BICRAL: variants seen among roughly 807,000 people sequenced by gnomAD.
BICRAL encodes the protein BRD4-interacting chromatin-remodeling complex-associated protein-like.
In BICRAL, 8 loss-of-function variants were observed where a neutral mutation model predicts 91.8. That is an observed-to-expected ratio of 0.09 (90% CI 0.05 to 0.16). The LOEUF is 0.16. Among genes scored for constraint, BICRAL ranks in the 10% least tolerant of loss-of-function variants. The pLI is 1.00. For synonymous variants in BICRAL, 445 were observed against 491.1 expected, an observed-to-expected ratio of 0.91 and a Z score of 1.24; for missense variants, 1,038 against 1,310.9, an observed-to-expected ratio of 0.79 and a Z score of 3.21.
At chr6:42,856,438 G>A (rs558940783) in intron 9 of BICRAL, among the ~76,000 whole-genome samples, 38 of 123,612 alleles carry the variant, frequency 3.1e-4, no homozygotes, top group Non-Finnish European at 5.2e-4. Context: ...GCAGTGGGAC[G>A]ATCTCGGCTC....
intron 1 of BICRAL, among the ~76,000 whole-genome samples, chr6:42,796,636 A>C (rs1763418513): frequency 1.3e-5 from 2 of 152,150 alleles, no homozygotes; most frequent in African/African-American, 4.8e-5. Context: ...AGCCAGTGGG[A>C]GATGATGATG....
At chr6:42,771,742 C>G (rs2113845454) in intron 1 of BICRAL, among the ~76,000 whole-genome samples, 1 of 152,096 alleles carries the variant, frequency 6.6e-6, no homozygotes, top group Middle Eastern at 3.4e-3. Flanking sequence ...TTGCTGTTAA[C>G]TGAAGGGTTG....
intron 1 of BICRAL, among the ~76,000 whole-genome samples, chr6:42,763,498 G>A (rs527670534): frequency 6.6e-6 from 1 of 152,286 alleles, no homozygotes; most frequent in South Asian, 2.1e-4. Context: ...TGTTTGCTAT[G>A]ATGTGCCGCT....
chr6:42,857,614 A>ATATATATATAT (rs1554283187), intron 10 of BICRAL, among the ~76,000 whole-genome samples: 43 of 96,200 alleles, frequency 4.5e-4, no homozygotes, highest in African/African-American at 2.6e-3. Context: ...AAAAAAAAAA[A>ATATATATATAT]ATATATATAT....
At chr6:42,764,243 GA>G (rs528842794) in intron 1 of BICRAL, among the ~76,000 whole-genome samples, 66 of 125,598 alleles carry the variant, frequency 5.3e-4, no homozygotes, top group East Asian at 1.0e-3. Flanking sequence ...CTTTGTTTCC[GA>G]AAAAAAAAAA....
chr6:42,778,299 C>A (rs1762830389), upstream of BICRAL, among the ~76,000 whole-genome samples: 1 of 152,208 alleles, frequency 6.6e-6, no homozygotes. Flanking sequence ...CCTTTTCAGG[C>A]CTGACAGAGC....
upstream of BICRAL, among the ~76,000 whole-genome samples, chr6:42,779,128 G>A (rs1159442552): frequency 7.3e-5 from 11 of 151,638 alleles, no homozygotes; most frequent in Non-Finnish European, 1.6e-4. Context: ...GAGGCTAGAG[G>A]ATTCCTGGGG....
intron 1 of BICRAL, among the ~76,000 whole-genome samples, chr6:42,775,125 G>A (rs889401115): frequency 1.3e-5 from 2 of 152,098 alleles, no homozygotes; most frequent in African/African-American, 2.4e-5. Context: ...TAGAGACAGG[G>A]TTTCACCATG....
At chr6:42,768,005 G>A (rs995429151) in intron 1 of BICRAL, among the ~76,000 whole-genome samples, 2 of 152,122 alleles carry the variant, frequency 1.3e-5, no homozygotes, top group Non-Finnish European at 2.9e-5. Context: ...GGGTGCTTGG[G>A]GACCTGTCAG....
rs67384767 is a variant in BICRAL, at chr6:42,794,411, C to CTGTGTG, written c.-102+12348_-102+12353dup. 3.2e-3 allele frequency among the ~76,000 whole-genome samples: 471 copies of CTGTGTG among 146,494 alleles called. 3 individuals are homozygous for CTGTGTG. Among genetic ancestry groups the CTGTGTG allele is most frequent in the Admixed American group, 0.012 (177 of 14,400 alleles). On this transcript the variant is annotated intron_variant, in intron 1 of 12. Transcript: ENST00000314073. ...TAATGCCGGACAAAATTCACTTACT[C>CTGTGTG]TGTGTGTGTGTGTGTGTGTGTGTGT... is the stretch of plus-strand genomic sequence containing the variant.
Position 42,864,853 on chromosome 6 carries a change from A to G in BICRAL, c.2647A>G (p.Asn883Asp), listed in dbSNP as rs1341016945. The change falls in exon 13 of 13, where the codon AAT becomes GAT. Residue 883 changes from asparagine (N) to aspartate (D), a missense_variant. Asn to Asp is a conservative substitution (Grantham distance 23). Coordinates refer to ENST00000314073, the MANE Select transcript of BICRAL (RefSeq NM_001393499.1). ...TCATGACCAGTTTCATCTAGTGCCT[A>G]ATCACATCGTGGTCTCTGCAGAAGG... ...MNHDQFHLVP[N>D]HIVVSAEGNI... The G allele has an allele frequency of 6.2e-7, 1 of 1,614,126 alleles. No individual in the cohort carries two copies. The highest frequency in any genetic ancestry group is 8.5e-7 in the Non-Finnish European group (1 of 1,180,002).
intron 6 of BICRAL, among the ~76,000 whole-genome samples, chr6:42,851,215 C>A (rs369945898): frequency 3.9e-5 from 6 of 152,100 alleles, no homozygotes; most frequent in African/African-American, 1.4e-4. Flanking sequence ...AGCCCTTTAT[C>A]TTTTTACTTA....
intron 1 of BICRAL, among the ~76,000 whole-genome samples, chr6:42,795,570 T>C (rs1763395577): frequency 1.3e-5 from 2 of 152,216 alleles, no homozygotes; most frequent in Non-Finnish European, 1.5e-5. Flanking sequence ...ATTACCTTAC[T>C]ATCAAAAATT....
chr6:42,800,784 A>G (rs1763544911), intron 1 of BICRAL, among the ~76,000 whole-genome samples: 1 of 152,154 alleles, frequency 6.6e-6, no homozygotes, highest in African/African-American at 2.4e-5. Context: ...CCTTGGTAAC[A>G]TTGACTTTGT....
At chr6:42,794,961 C>CA (rs34561323) in intron 1 of BICRAL, among the ~76,000 whole-genome samples, 52,155 of 138,818 alleles carry the variant, frequency 0.38, 9,518 homozygotes, top group South Asian at 0.49. Context: ...AACGCCATCT[C>CA]AAAAAAAAAA....
At chr6:42,855,052 A>T (rs1581634954) in intron 8 of BICRAL, among the ~76,000 whole-genome samples, 2 of 152,334 alleles carry the variant, frequency 1.3e-5, no homozygotes, top group East Asian at 3.9e-4. Flanking sequence ...TGGAATACAC[A>T]GTGAAGGATC....
rs1038106194 is a variant in BICRAL at position 42,755,671 on chromosome 6, CTT to C, written c.-261+8663_-261+8664del. On this transcript the variant is annotated intron_variant, in intron 1 of 14. Coordinates refer to the BICRAL transcript ENST00000614467. ...ACCTCGAGCCACCAGTCACCTCTTT[CTT>C]TTTTTTTTTTTTTTGAGATGGAGTC... Among the ~76,000 whole-genome samples, 945 of 140,548 alleles carry C rather than the reference CTT, an allele frequency of 6.7e-3. 9 individuals carry two copies. Among genetic ancestry groups the C allele is most frequent in the African/African-American group, 0.023 (900 of 38,514 alleles). The allele number at this position is 140,548 out of a possible 152,430, so 92.2% of individuals were successfully genotyped here.
chr6:42,864,339 C>CA (rs751783573), intron 12 of BICRAL, among the ~76,000 whole-genome samples: 2 of 151,774 alleles, frequency 1.3e-5, no homozygotes, highest in African/African-American at 4.8e-5. Context: ...GACTCCATCT[C>CA]AAAAAAAATA....
At chr6:42,750,161 G>T (rs1282494740) in intron 1 of BICRAL, among the ~76,000 whole-genome samples, 3 of 149,736 alleles carry the variant, frequency 2.0e-5, no homozygotes, top group African/African-American at 7.4e-5. Context: ...CCGTGCCTGG[G>T]CCCTTTTTTT....
Sources: allele counts gnomAD v4.1 joint callset (sites outside exome capture counted in the v4.1 genomes callset), GRCh38; gene constraint gnomAD v4.1.1; transcripts MANE v1.5; gene names NCBI Gene and HGNC (gene_info 2026-07-23, HGNC 2026-07-21).